Variants in COG6 observed in about 807,000 individuals in gnomAD.
COG6 encodes component of oligomeric golgi complex 6, also known as conserved oligomeric Golgi complex subunit 6.
In COG6, 74 loss-of-function variants were observed where a neutral mutation model predicts 88.8. That is an observed-to-expected ratio of 0.83 (90% CI 0.69 to 1.01). The LOEUF (loss-of-function observed/expected upper bound fraction) is 1.01. Among genes scored for constraint, COG6 ranks in the 50% least tolerant of loss-of-function variants. The pLI is 0.00. For missense variants in COG6, 800 were observed against 797.9 expected, an observed-to-expected ratio of 1.00 and a Z score of -0.03; for synonymous variants, 286 against 278.7, an observed-to-expected ratio of 1.03 and a Z score of -0.26.
intron 2 of COG6, among the ~76,000 whole-genome samples, chr13:39,660,068 A>G (rs1394046396): frequency 3.3e-5 from 5 of 152,178 alleles, no homozygotes; most frequent in African/African-American, 1.2e-4. Flanking sequence ...ATATATTTCT[A>G]TGTGAGTTAT....
At chr13:39,743,909 T>TA (rs1350186266) in intron 18 of COG6, among the ~76,000 whole-genome samples, 2 of 151,942 alleles carry the variant, frequency 1.3e-5, no homozygotes, top group Non-Finnish European at 2.9e-5. Context: ...CCCACCAAGA[T>TA]CAAATTGGCT....
At chr13:39,739,549 C>G (rs186930369) in intron 18 of COG6, among the ~76,000 whole-genome samples, 1 of 152,022 alleles carries the variant, frequency 6.6e-6, no homozygotes, top group African/African-American at 2.4e-5. Flanking sequence ...TTAAAAAAAT[C>G]AAACATTCCA....
intron 2 of COG6, among the ~76,000 whole-genome samples, 193 bp downstream of exon 2, chr13:39,659,700 C>A (rs780560421): frequency 6.6e-6 from 1 of 152,090 alleles, no homozygotes; most frequent in Non-Finnish European, 1.5e-5. Flanking sequence ...CTGTGACTTC[C>A]ACAAATATTA....
intron 13 of COG6, among the ~76,000 whole-genome samples, chr13:39,707,465 A>G (rs1483786236): frequency 1.3e-5 from 2 of 152,202 alleles, no homozygotes; most frequent in Non-Finnish European, 2.9e-5. Context: ...ACCCAAGTCT[A>G]AAGTATACAG....
At chr13:39,787,618 A>G (rs911768158) in intron 18 of COG6, among the ~76,000 whole-genome samples, 1 of 152,170 alleles carries the variant, frequency 6.6e-6, no homozygotes, top group African/African-American at 2.4e-5. Context: ...TTATGCACAT[A>G]CACACATATA....
chr13:39,666,324 C>G (rs911192930), intron 4 of COG6, among the ~76,000 whole-genome samples: 2 of 152,192 alleles, frequency 1.3e-5, no homozygotes, highest in East Asian at 3.9e-4. Flanking sequence ...TCATTTGAGC[C>G]CAGGAGTTCA....
At chr13:39,754,586 C>T (rs1172977218), downstream of COG6, among the ~76,000 whole-genome samples, 2 of 152,054 alleles carry the variant, frequency 1.3e-5, no homozygotes, top group Non-Finnish European at 2.9e-5. Context: ...ATATATTTTA[C>T]AATTTTAAAA....
chr13:39,664,018 T>TAA (rs1315411898), intron 3 of COG6: 3 of 154,766 alleles, frequency 1.9e-5, no homozygotes, highest in African/African-American at 7.2e-5. Flanking sequence ...GGCTCTGTTA[T>TAA]TGACAGCATA....
chr13:39,715,393 A>C (rs1031352399), intron 13 of COG6, among the ~76,000 whole-genome samples: 4 of 151,992 alleles, frequency 2.6e-5, no homozygotes, highest in African/African-American at 7.2e-5. Flanking sequence ...GTTCTACTAG[A>C]GCTGTACTCC....
intron 18 of COG6, among the ~76,000 whole-genome samples, chr13:39,786,617 AG>A (rs1034000854): frequency 4.6e-5 from 7 of 152,036 alleles, no homozygotes; most frequent in Non-Finnish European, 1.5e-5. Context: ...AACTTTACAA[AG>A]GTGGCATTTC....
At chr13:39,788,387 T>G (rs1307020988) in exon 19 of COG6, 1 of 1,550,628 alleles carries the variant, frequency 6.4e-7, no homozygotes, top group African/African-American at 1.4e-5. Context: ...GACCTTGTGC[T>G]TCTGGAGCCA....
chr13:39,721,888 A>AT (rs1878869375), intron 15 of COG6, among the ~76,000 whole-genome samples: 4 of 151,994 alleles, frequency 2.6e-5, no homozygotes, highest in African/African-American at 9.7e-5. Context: ...CATTGAGTTT[A>AT]TATGTTTTCC....
At chr13:39,674,977 T>A (rs1225560141) in intron 4 of COG6, among the ~76,000 whole-genome samples, 1 of 152,158 alleles carries the variant, frequency 6.6e-6, no homozygotes, top group African/African-American at 2.4e-5. Context: ...CTATACATAC[T>A]TTCTCGCAAC....
At chr13:39,776,501 C>G (rs967959880) in intron 18 of COG6, among the ~76,000 whole-genome samples, 1 of 152,222 alleles carries the variant, frequency 6.6e-6, no homozygotes, top group African/African-American at 2.4e-5. Context: ...CTTGCACAGT[C>G]CCCTTGCCTG....
chr13:39,689,900 C>G, intron 11 of COG6, 76 bp downstream of exon 11: 1 of 857,888 alleles, frequency 1.2e-6, no homozygotes, highest in African/African-American at 1.7e-5. Context: ...ACTTAAGAAA[C>G]TGATACCAGC....
chr13:39,710,839 CTTTTCT>C (rs981525153), intron 13 of COG6, among the ~76,000 whole-genome samples: 1 of 29,458 alleles, frequency 3.4e-5, no homozygotes, highest in African/African-American at 1.3e-4. Context: ...TTAGCTGGTT[CTTTTCT>C]TTTTTTTTTT....
At chr13:39,736,807 C>T (rs1879771388) in intron 18 of COG6, among the ~76,000 whole-genome samples, 1 of 152,202 alleles carries the variant, frequency 6.6e-6, no homozygotes, top group Non-Finnish European at 1.5e-5. Context: ...ATGTCTGTCA[C>T]TCTAGGGTTG....
In COG6 at chr13:39,726,801, C is replaced by T. The variant is rs1479543949; in HGVS notation, c.1747-668C>T. ...CCTCTCCCTGAACCTCCCCACCCAT[C>T]AATCCACTTACTTAATGTATATTCA... On this transcript the variant is annotated intron_variant, in intron 17 of 18. Coordinates refer to ENST00000455146, the MANE Select transcript of COG6 (RefSeq NM_020751.3). Among the ~76,000 whole-genome samples the T allele has an allele frequency of 4.6e-5, 7 of 152,110 alleles. No individual in the cohort carries two copies. In the South Asian group the frequency reaches 1.2e-3, roughly 27 times the overall value.
intron 18 of COG6, among the ~76,000 whole-genome samples, chr13:39,749,894 T>C (rs907818313): frequency 3.3e-5 from 5 of 152,106 alleles, no homozygotes; most frequent in Admixed American, 1.3e-4. Context: ...GAGAGAGATG[T>C]GATAGAAAGT....
Sources: allele counts gnomAD v4.1 joint callset (sites outside exome capture counted in the v4.1 genomes callset), GRCh38; gene constraint gnomAD v4.1.1; transcripts MANE v1.5; gene names NCBI Gene and HGNC (gene_info 2026-07-23, HGNC 2026-07-21).